Variants in TBC1D4 observed in about 807,000 individuals in gnomAD.
TBC1D4 encodes the protein TBC1 domain family member 4.
TBC1D4 carries 121 observed loss-of-function variants against 142.5 expected under a neutral mutation model. That is an observed-to-expected ratio of 0.85 (90% CI 0.73 to 0.99). TBC1D4 has a LOEUF of 0.99. Among genes scored for constraint, TBC1D4 ranks in the 50% least tolerant of loss-of-function variants. The pLI is 0.00. For synonymous variants in TBC1D4, 630 were observed against 628.2 expected, an observed-to-expected ratio of 1.00 and a Z score of -0.04; for missense variants, 1,475 against 1,606.6, an observed-to-expected ratio of 0.92 and a Z score of 1.40.
chr13:75,439,259 G>C (rs1352325344), intron 1 of TBC1D4, among the ~76,000 whole-genome samples: 1 of 152,018 alleles, frequency 6.6e-6, no homozygotes, highest in East Asian at 1.9e-4. Context: ...CATGTATAAA[G>C]TTTTTTATTC....
intron 9 of TBC1D4, 82 bp downstream of exon 9, chr13:75,327,670 T>TA: frequency 7.9e-7 from 1 of 1,265,378 alleles, no homozygotes; most frequent in Non-Finnish European, 1.2e-6. Context: ...GCATTCATAA[T>TA]AAAAAATGGA....
chr13:75,479,088 C>T (rs1888730224), intron 1 of TBC1D4, among the ~76,000 whole-genome samples: 4 of 152,198 alleles, frequency 2.6e-5, no homozygotes, highest in Non-Finnish European at 1.5e-5. Flanking sequence ...CCAAGTGGAG[C>T]TAAGTAGCAC....
At chr13:75,303,552 A>G (rs1029669152) in intron 15 of TBC1D4, among the ~76,000 whole-genome samples, 1 of 152,248 alleles carries the variant, frequency 6.6e-6, no homozygotes, top group Non-Finnish European at 1.5e-5. Flanking sequence ...TGCACAGTGC[A>G]GGCAACTTTA....
At chr13:75,309,240 T>A (rs1183556157) in intron 14 of TBC1D4, among the ~76,000 whole-genome samples, 1 of 152,082 alleles carries the variant, frequency 6.6e-6, no homozygotes, top group Non-Finnish European at 1.5e-5. Context: ...AGTACTGGAG[T>A]AAATTATATC....
At chr13:75,369,641 T>TA (rs1883117081) in intron 1 of TBC1D4, among the ~76,000 whole-genome samples, 2 of 152,186 alleles carry the variant, frequency 1.3e-5, no homozygotes, top group Admixed American at 6.5e-5. Context: ...TATGTTTATC[T>TA]ACAGAAAAGA....
intron 12 of TBC1D4, among the ~76,000 whole-genome samples, chr13:75,317,111 G>A (rs112751409): frequency 0.025 from 3,876 of 152,262 alleles, 92 homozygotes; most frequent in African/African-American, 0.06. Flanking sequence ...ACAGTCACAC[G>A]GATAATAAAG....
At chr13:75,460,122 G>A (rs544089746) in intron 1 of TBC1D4, among the ~76,000 whole-genome samples, 13 of 152,000 alleles carry the variant, frequency 8.6e-5, no homozygotes, top group Non-Finnish European at 2.9e-5. Flanking sequence ...CAGCCTGGGC[G>A]ACAGAGCGAG....
At chr13:75,325,845 T>A (rs994154361) in intron 10 of TBC1D4, among the ~76,000 whole-genome samples, 11 of 152,224 alleles carry the variant, frequency 7.2e-5, no homozygotes, top group African/African-American at 2.7e-4. Flanking sequence ...TCTAATGCTA[T>A]GTTATTTTCA....
chr13:75,308,700 T>A (rs1182078657), intron 14 of TBC1D4, among the ~76,000 whole-genome samples: 1 of 152,216 alleles, frequency 6.6e-6, no homozygotes, highest in Non-Finnish European at 1.5e-5. Flanking sequence ...ATATAACTAC[T>A]TGCTTACAAA....
At chr13:75,365,491 T>C (rs566094145) in intron 1 of TBC1D4, among the ~76,000 whole-genome samples, 1 of 152,292 alleles carries the variant, frequency 6.6e-6, no homozygotes, top group South Asian at 2.1e-4. Flanking sequence ...CAGAGAATCA[T>C]GAAAATCTTG....
At chr13:75,411,076 G>C (rs931929548) in intron 1 of TBC1D4, among the ~76,000 whole-genome samples, 1 of 150,112 alleles carries the variant, frequency 6.7e-6, no homozygotes. Context: ...TAAAAAAGCC[G>C]AAAGAACCCA....
At chr13:75,295,079 A>G in intron 17 of TBC1D4, 66 bp from the exon 18 acceptor site, 1 of 1,404,528 alleles carries the variant, frequency 7.1e-7, no homozygotes, top group African/African-American at 1.4e-5. Context: ...AAACACACTG[A>G]TTTTAATTTT....
At chr13:75,332,288 C>A (rs1325787398) in intron 8 of TBC1D4, among the ~76,000 whole-genome samples, 1 of 152,184 alleles carries the variant, frequency 6.6e-6, no homozygotes, top group Non-Finnish European at 1.5e-5. Flanking sequence ...TTAATCCTCA[C>A]AATTACATGA....
Position 75,362,215 on chromosome 13 carries a change from A to G in TBC1D4, c.891T>C (p.Pro297=). 1.9e-6 allele frequency: 3 copies of G among 1,613,796 alleles called. No individual in the cohort carries two copies. The highest frequency in any genetic ancestry group is 1.7e-6 in the Non-Finnish European group (2 of 1,179,984). ...AGCCAGAATCTTCCAAAATCCGCTC[A>G]GGGAAGCAGACCCGAGAGCTGGTCA... ...PALTSSRVCF[P]ERILEDSGFD... The change falls in exon 2 of 21, where the codon CCT becomes CCC. Residue 297 remains proline, a synonymous_variant. Transcript: ENST00000377636. This position sits in a 1 kb window ranked among gnomAD's most constrained non-coding sequence, Gnocchi z 4.2.
At chr13:75,412,958 C>G (rs910542912) in intron 1 of TBC1D4, among the ~76,000 whole-genome samples, 1 of 152,148 alleles carries the variant, frequency 6.6e-6, no homozygotes, top group Non-Finnish European at 1.5e-5. Context: ...CTGTGCCAGG[C>G]AGGAAAAAGA....
In TBC1D4 at chr13:75,286,797, G is replaced by C; in HGVS notation, c.3892C>G (p.Pro1298Ala). 6.2e-7 allele frequency: 1 copy of C among 1,613,502 alleles called. No individual in the cohort carries two copies. The highest frequency in any genetic ancestry group is 8.5e-7 in the Non-Finnish European group (1 of 1,179,746). Residue 1298 changes from proline to alanine, a missense_variant, in exon 21 of 21, where the codon CCA becomes GCA. Coordinates refer to ENST00000377636, the MANE Select transcript of TBC1D4 (RefSeq NM_014832.5). Reference sequence around the variant, plus strand: ...CTGAGGCCGTGCCTCTTCAATTATGGCTTATTTCCTATCTTGGCTTTGTTG... The same window carrying C: ...CTGAGGCCGTGCCTCTTCAATTATGCCTTATTTCCTATCTTGGCTTTGTTG... ...PNNKAKIGNK[P>A]
At chr13:75,349,410 A>G (rs947976557) in intron 4 of TBC1D4, 108 bp from the exon 5 acceptor site, 5 of 1,444,444 alleles carry the variant, frequency 3.5e-6, no homozygotes, top group Admixed American at 1.8e-5. Context: ...TAAAAATAAT[A>G]GAATTTTGAT....
chr13:75,294,897 C>A lies in TBC1D4; in HGVS notation c.3273G>T (p.Leu1091Phe), dbSNP rs1204761775. The A allele has an allele frequency of 6.2e-7, 1 of 1,613,824 alleles. No homozygotes were observed. The highest frequency in any genetic ancestry group is 1.1e-5 in the South Asian group (1 of 91,076). The part of the protein sequence containing the change: ...SLYAAPWFLT[L>F]FASQFSLGFV... ...ATCCTAATGAAAACTGAGAGGCAAA[C>A]AATGTGAGGAACCAGGGGGCAGCAT... is the stretch of plus-strand genomic sequence containing the variant. The change falls in exon 18 of 21, where the codon TTG (leucine) becomes TTT (phenylalanine). Residue 1091 changes from leucine (L) to phenylalanine (F), a missense_variant. Leu to Phe is a conservative substitution (Grantham distance 22, BLOSUM62 0). Transcript: ENST00000377636.
intron 1 of TBC1D4, among the ~76,000 whole-genome samples, chr13:75,407,226 A>T (rs1159573193): frequency 2.0e-5 from 3 of 152,212 alleles, no homozygotes; most frequent in African/African-American, 7.2e-5. Flanking sequence ...AAGAATATTT[A>T]TCTGAGTGTT....
Sources: allele counts gnomAD v4.1 joint callset (sites outside exome capture counted in the v4.1 genomes callset), GRCh38; gene constraint gnomAD v4.1.1; non-coding constraint Gnocchi (gnomAD v3.1); transcripts MANE v1.5; gene names NCBI Gene and HGNC (gene_info 2026-07-23, HGNC 2026-07-21).